The following PAPPA2 variants were observed in gnomAD, a reference collection of about 807,000 sequenced individuals.
PAPPA2 encodes pappalysin-2.
PAPPA2 carries 86 observed loss-of-function variants against 176.4 expected under a neutral mutation model. The observed-to-expected ratio is 0.49, with a 90% CI of 0.41 to 0.58. The LOEUF is 0.58. Ranked by LOEUF, PAPPA2 falls within the 20% of genes least tolerant of loss-of-function variation. The pLI is 0.00. For synonymous variants in PAPPA2, 809 were observed against 852.2 expected (o/e 0.95, Z 0.88); for missense variants, 2,073 against 2,256.9 (o/e 0.92, Z 1.65).
At chr1:176,491,888 G>A (rs995367278) in intron 1 of PAPPA2, among the ~76,000 whole-genome samples, 1 of 152,162 alleles carries the variant, frequency 6.6e-6, no homozygotes, top group Non-Finnish European at 1.5e-5. Context: ...ATTTAGCAAA[G>A]GTCACATGAG....
At chr1:176,762,055 T>A (rs1207747404) in intron 14 of PAPPA2, among the ~76,000 whole-genome samples, 1 of 151,418 alleles carries the variant, frequency 6.6e-6, no homozygotes, top group Non-Finnish European at 1.5e-5. Context: ...ACAAAAGGGG[T>A]TTTGGGGTTG....
intron 1 of PAPPA2, among the ~76,000 whole-genome samples, chr1:176,541,003 T>C (rs76559055): frequency 1.4e-3 from 219 of 152,316 alleles, no homozygotes; most frequent in African/African-American, 5.1e-3. Flanking sequence ...GAGTCAATGA[T>C]TGGAGTTTCA....
At chr1:176,510,683 TA>T (rs927007768) in intron 1 of PAPPA2, among the ~76,000 whole-genome samples, 11 of 151,614 alleles carry the variant, frequency 7.3e-5, no homozygotes, top group African/African-American at 2.7e-4. Context: ...TACATACAGA[TA>T]AAAATATATA....
intron 2 of PAPPA2, among the ~76,000 whole-genome samples, chr1:176,577,419 G>A (rs1652716158): frequency 6.6e-6 from 1 of 152,086 alleles, no homozygotes; most frequent in African/African-American, 2.4e-5. Flanking sequence ...GTAATGAGAA[G>A]GTGAAAAATT....
chr1:176,544,877 C>G (rs574139551), intron 1 of PAPPA2, among the ~76,000 whole-genome samples: 5 of 152,120 alleles, frequency 3.3e-5, no homozygotes, highest in African/African-American at 1.2e-4. Flanking sequence ...TCCTGGCTTA[C>G]TGAAAAAGTA....
At chr1:176,801,326 C>T (rs1665674742) in intron 21 of PAPPA2, among the ~76,000 whole-genome samples, 1 of 152,122 alleles carries the variant, frequency 6.6e-6, no homozygotes, top group Non-Finnish European at 1.5e-5. Flanking sequence ...CTGATGCACA[C>T]CCAACCCACA....
At chr1:176,716,395 G>A (rs1343730703) in intron 12 of PAPPA2, among the ~76,000 whole-genome samples, 8 of 151,516 alleles carry the variant, frequency 5.3e-5, no homozygotes, top group South Asian at 2.1e-4. Flanking sequence ...ACAGGTGCCC[G>A]CCATTATGCC....
intron 21 of PAPPA2, among the ~76,000 whole-genome samples, chr1:176,811,593 C>G (rs1666151689): frequency 6.6e-6 from 1 of 152,010 alleles, no homozygotes; most frequent in Non-Finnish European, 1.5e-5. Flanking sequence ...AAATCTAAAT[C>G]TAAATATGTG....
At chr1:176,764,596 CTT>C (rs1214683318) in intron 14 of PAPPA2, among the ~76,000 whole-genome samples, 16 of 136,072 alleles carry the variant, frequency 1.2e-4, no homozygotes, top group South Asian at 2.4e-4. Flanking sequence ...CCAGTGTATT[CTT>C]TTTTTTTTTT....
intron 3 of PAPPA2, among the ~76,000 whole-genome samples, chr1:176,628,570 A>G (rs956991976): frequency 7.9e-5 from 12 of 152,146 alleles, no homozygotes; most frequent in African/African-American, 2.7e-4. Flanking sequence ...TATGTTTTGT[A>G]ATGCTATTGT....
intron 1 of PAPPA2, among the ~76,000 whole-genome samples, chr1:176,492,446 G>A (rs1316204262): frequency 6.6e-6 from 1 of 152,178 alleles, no homozygotes; most frequent in African/African-American, 2.4e-5. Flanking sequence ...TTAGTCAGTG[G>A]AAGAGCTAAA....
chr1:176,739,797 G>A, intron 13 of PAPPA2, 36 bp downstream of exon 13: 1 of 1,608,668 alleles, frequency 6.2e-7, no homozygotes, highest in Non-Finnish European at 8.5e-7. Context: ...GGTCACTAGA[G>A]GACAACCCGG....
At chr1:176,789,141 A>G (rs1408608585) in intron 17 of PAPPA2, among the ~76,000 whole-genome samples, 1 of 152,204 alleles carries the variant, frequency 6.6e-6, no homozygotes, top group African/African-American at 2.4e-5. Context: ...AACCCTCTTA[A>G]GAATAACCTA....
At chr1:176,519,823 TTG>T (rs1243862792) in intron 1 of PAPPA2, among the ~76,000 whole-genome samples, 1 of 152,146 alleles carries the variant, frequency 6.6e-6, no homozygotes, top group African/African-American at 2.4e-5. Flanking sequence ...GACAGTGAAG[TTG>T]AAAGTTGGTA....
rs1655474331 is a variant in PAPPA2 at position 176,619,659 on chromosome 1, T to C, written c.1991+24064T>C. On this transcript the variant is annotated intron_variant, in intron 3 of 22. Coordinates refer to ENST00000367662, the MANE Select transcript of PAPPA2 (RefSeq NM_020318.3). ...TTAAATCTCTGAACAAGAGTAAAAATAATAAAATTAAATTGAATAACTGTT... is the reference window on the plus strand; with the variant it reads ...TTAAATCTCTGAACAAGAGTAAAAACAATAAAATTAAATTGAATAACTGTT... Among the ~76,000 whole-genome samples, 3 of 152,202 alleles carry C rather than the reference T, an allele frequency of 2.0e-5. No individual in the cohort carries two copies. The South Asian group carries it at 6.2e-4, about 31-fold the overall frequency.
chr1:176,730,402 T>A (rs1285065325), intron 12 of PAPPA2, among the ~76,000 whole-genome samples: 4 of 152,066 alleles, frequency 2.6e-5, no homozygotes, highest in African/African-American at 9.6e-5. Flanking sequence ...TGCTGATATT[T>A]GTTCATAATG....
intron 3 of PAPPA2, among the ~76,000 whole-genome samples, chr1:176,631,874 A>G (rs758476183): frequency 6.6e-6 from 1 of 152,186 alleles, no homozygotes; most frequent in Non-Finnish European, 1.5e-5. Context: ...GGAGAATATA[A>G]AAGTTTTGAG....
intron 3 of PAPPA2, among the ~76,000 whole-genome samples, chr1:176,650,117 G>T (rs180852856): frequency 4.6e-5 from 7 of 151,294 alleles, no homozygotes; most frequent in Non-Finnish European, 1.0e-4. Flanking sequence ...ATATTATCTC[G>T]CTCAATTGTC....
At chr1:176,765,623 G>C in intron 14 of PAPPA2, 43 bp from the exon 15 acceptor site, 2 of 1,588,028 alleles carry the variant, frequency 1.3e-6, no homozygotes, top group Non-Finnish European at 8.6e-7. Flanking sequence ...CTCCTTACTG[G>C]TTCTCAACCA....
Sources: allele counts gnomAD v4.1 joint callset (sites outside exome capture counted in the v4.1 genomes callset), GRCh38; gene constraint gnomAD v4.1.1; transcripts MANE v1.5; gene names NCBI Gene and HGNC (gene_info 2026-07-23, HGNC 2026-07-21).